Variants in DPP6 observed in about 807,000 individuals in gnomAD.
The protein encoded by DPP6 is dipeptidyl peptidase like 6.
A neutral mutation model predicts 122.6 loss-of-function variants in DPP6; 69 were observed. That is an observed-to-expected ratio of 0.56 (90% confidence interval 0.46 to 0.69). The LOEUF is 0.69. DPP6 is among the 30% of genes least tolerant of loss of function. The probability of loss-of-function intolerance (pLI) is 0.00; values close to 1 mark genes in which losing one functional copy is unlikely to be tolerated. For synonymous variants in DPP6, 418 were observed against 433.1 expected (o/e 0.97, Z 0.43); for missense variants, 928 against 1,116.9 (o/e 0.83, Z 2.41).
rs71534170 is a variant in DPP6 at position 154,864,368 on chromosome 7, G to A, written c.1715-3627G>A. The stretch of plus-strand genomic sequence containing the variant: ...CTACACCACGACCTGCCCATGGGAC[G>A]CAGCGAGGGAAGCAGCCTCATGAGC... On this transcript the variant is annotated intron_variant, in intron 17 of 25. Transcript: ENST00000377770. 9.9e-3 allele frequency among the ~76,000 whole-genome samples: 1,508 copies of A among 152,294 alleles called. 15 individuals are homozygous for A. Among genetic ancestry groups the A allele is most frequent in the Non-Finnish European group, 0.016 (1,073 of 68,040 alleles).
intron 5 of DPP6, among the ~76,000 whole-genome samples, chr7:154,612,841 G>T (rs180823599): frequency 3.7e-4 from 46 of 125,642 alleles, no homozygotes; most frequent in African/African-American, 1.1e-3. Context: ...ATTCTAATAG[G>T]ACTTGTCTTA....
At chr7:154,740,418 A>G (rs1403130671) in intron 8 of DPP6, among the ~76,000 whole-genome samples, 1 of 152,194 alleles carries the variant, frequency 6.6e-6, no homozygotes, top group Non-Finnish European at 1.5e-5. Flanking sequence ...CAACAAGACA[A>G]TATGTACTTA....
At chr7:154,345,746 C>T (rs889256065) in intron 1 of DPP6, among the ~76,000 whole-genome samples, 5 of 152,166 alleles carry the variant, frequency 3.3e-5, no homozygotes, top group African/African-American at 7.2e-5. Context: ...CCACTGCCAG[C>T]CACACTCTGC....
intron 1 of DPP6, chr7:154,094,263 C>T (rs1004861067): frequency 3.9e-5 from 6 of 152,196 alleles, no homozygotes; most frequent in East Asian, 1.9e-4. Flanking sequence ...ATTGAAAGGT[C>T]AGGGGACGTT....
At chr7:154,145,567 A>T (rs1796047446) in intron 1 of DPP6, among the ~76,000 whole-genome samples, 1 of 149,646 alleles carries the variant, frequency 6.7e-6, no homozygotes, top group African/African-American at 2.5e-5. Flanking sequence ...ATTTTGTCAC[A>T]TTGAAATGGA....
At chr7:154,719,686 G>T (rs1841694335) in intron 7 of DPP6, among the ~76,000 whole-genome samples, 1 of 152,190 alleles carries the variant, frequency 6.6e-6, no homozygotes, top group Non-Finnish European at 1.5e-5. Context: ...CTCCGTGGAG[G>T]CCAGGCACCC....
intron 10 of DPP6, among the ~76,000 whole-genome samples, chr7:154,789,662 C>A (rs1797553386): frequency 6.6e-6 from 1 of 152,186 alleles, no homozygotes; most frequent in African/African-American, 2.4e-5. Context: ...TCTGGAGAGT[C>A]CACACTCGAT....
chr7:154,060,795 G>C (rs1397247880), intron 1 of DPP6, among the ~76,000 whole-genome samples: 2 of 120,056 alleles, frequency 1.7e-5, no homozygotes, highest in South Asian at 2.7e-4. Flanking sequence ...GCCCATCACA[G>C]GAGGGGGACG....
At chr7:154,757,768 G>A (rs901679313) in intron 8 of DPP6, among the ~76,000 whole-genome samples, 1 of 152,186 alleles carries the variant, frequency 6.6e-6, no homozygotes, top group Non-Finnish European at 1.5e-5. Context: ...GGAGGGGCAC[G>A]TTCAACAAGA....
intron 1 of DPP6, among the ~76,000 whole-genome samples, chr7:154,292,560 A>G (rs1300638566): frequency 1.3e-5 from 2 of 152,228 alleles, no homozygotes; most frequent in African/African-American, 4.8e-5. Flanking sequence ...ACAAATAAAT[A>G]TGTCGAAAAT....
intron 1 of DPP6, among the ~76,000 whole-genome samples, chr7:154,023,894 A>C (rs1798842355): frequency 6.6e-6 from 1 of 152,168 alleles, no homozygotes; most frequent in South Asian, 2.1e-4. Flanking sequence ...GGAAAGATGC[A>C]TCTGTCTCTG....
At chr7:153,863,220 T>C in the DPP6 span, among the ~76,000 whole-genome samples, 2 of 152,188 alleles carry the variant, frequency 1.3e-5, no homozygotes, top group Non-Finnish European at 2.9e-5. Flanking sequence ...GCACTGACAA[T>C]GATGGTTTCC....
Position 154,744,076 on chromosome 7 carries a change from C to T in DPP6, c.883+16189C>T, listed in dbSNP as rs553229638. ...CAGAGGTGGATTTGCAGCCAGTTGT[C>T]CACACATCCTGGATCCTCCCGGTGC... On this transcript the variant is annotated intron_variant, in intron 8 of 25. Coordinates refer to ENST00000377770, the MANE Select transcript of DPP6 (RefSeq NM_130797.4). Among the ~76,000 whole-genome samples the T allele has an allele frequency of 2.6e-5, 4 of 152,230 alleles. No homozygotes were observed. In the East Asian group the frequency reaches 7.7e-4, roughly 29 times the overall value.
intron 5 of DPP6, among the ~76,000 whole-genome samples, chr7:154,626,942 C>T (rs997229499): frequency 7.0e-6 from 1 of 143,012 alleles, no homozygotes; most frequent in African/African-American, 2.5e-5. Flanking sequence ...ATGAGCTAAA[C>T]ATCTTTACCT....
At chr7:154,254,059 C>T (rs1020083167) in intron 1 of DPP6, among the ~76,000 whole-genome samples, 12 of 152,212 alleles carry the variant, frequency 7.9e-5, no homozygotes, top group African/African-American at 2.7e-4. Flanking sequence ...TCCCGCCGGG[C>T]CCCTCTTCTA....
At chr7:154,539,924 G>A (rs1242961408) in intron 3 of DPP6, among the ~76,000 whole-genome samples, 5 of 151,862 alleles carry the variant, frequency 3.3e-5, no homozygotes, top group African/African-American at 1.2e-4. Flanking sequence ...AGATATATAT[G>A]TACATGTCCA....
intron 6 of DPP6, among the ~76,000 whole-genome samples, chr7:154,666,198 T>TACATAC (rs61051281): frequency 7.6e-6 from 1 of 131,724 alleles, no homozygotes; most frequent in East Asian, 2.0e-4. Flanking sequence ...TATATATATA[T>TACATAC]ATACACATAT....
At chr7:154,009,100 T>G in intron 1 of DPP6, among the ~76,000 whole-genome samples, 1 of 100,762 alleles carries the variant, frequency 9.9e-6, no homozygotes, top group South Asian at 4.1e-4. Context: ...TATAAGTTGA[T>G]GAGGACCTTT....
intron 3 of DPP6, chr7:154,475,272 T>C (rs576905398): frequency 3.1e-5 from 15 of 481,274 alleles, no homozygotes; most frequent in Middle Eastern, 1.3e-3. Flanking sequence ...CTTCACTTAA[T>C]GAGAAATGGG....
Sources: allele counts gnomAD v4.1 joint callset (sites outside exome capture counted in the v4.1 genomes callset), GRCh38; gene constraint gnomAD v4.1.1; transcripts MANE v1.5; gene names NCBI Gene and HGNC (gene_info 2026-07-23, HGNC 2026-07-21).